EPB41: variants seen among roughly 807,000 people sequenced by gnomAD.
EPB41 encodes the protein erythrocyte membrane protein band 4.1.
A neutral mutation model predicts 108.0 loss-of-function variants in EPB41; 65 were observed. The observed-to-expected ratio is 0.60, with a 90% CI of 0.49 to 0.74. The LOEUF (loss-of-function observed/expected upper bound fraction) is 0.74, where lower values mean the gene tolerates loss of function less well. EPB41 is among the 30% of genes least tolerant of loss of function. The pLI is 0.00. For missense variants in EPB41, 875 were observed against 1,037.0 expected, an observed-to-expected ratio of 0.84 and a Z score of 2.15; for synonymous variants, 336 against 358.9, an observed-to-expected ratio of 0.94 and a Z score of 0.72.
In EPB41 at chr1:29,047,173, A is replaced by G. The variant is rs1369894822; in HGVS notation, c.1637-5931A>G. 4.0e-5 allele frequency among the ~76,000 whole-genome samples: 6 copies of G among 151,330 alleles called. No homozygotes were observed. The East Asian group carries it at 9.7e-4, about 24-fold the overall frequency. ...CTTTACTTACAGATTCAGTGTCTTT[A>G]TTAGATAAGGGACTATTAAAATGTT... On this transcript the variant is annotated intron_variant, in intron 11 of 20. Coordinates refer to ENST00000343067, the MANE Select transcript of EPB41 (RefSeq NM_001376013.1).
chr1:29,092,783 A>G (rs1413451570), intron 16 of EPB41, among the ~76,000 whole-genome samples: 1 of 152,042 alleles, frequency 6.6e-6, no homozygotes, highest in African/African-American at 2.4e-5. Context: ...GGTCCCACTT[A>G]TAAGTGAGAA....
intron 16 of EPB41, among the ~76,000 whole-genome samples, chr1:29,081,849 A>AC (rs1300017453): frequency 3.9e-5 from 6 of 151,906 alleles, no homozygotes; most frequent in African/African-American, 1.4e-4. Context: ...AAAAAAAAAA[A>AC]AAACCTAACA....
intron 11 of EPB41, among the ~76,000 whole-genome samples, chr1:29,049,954 C>T (rs2150678112): frequency 6.6e-6 from 1 of 152,204 alleles, no homozygotes; most frequent in African/African-American, 2.4e-5. Flanking sequence ...TACTAAAAAG[C>T]ATTGAATTAT....
intron 17 of EPB41, 63 bp downstream of exon 17, chr1:29,097,998 CAG>C (rs1483457325): frequency 6.2e-7 from 1 of 1,607,932 alleles, no homozygotes; most frequent in Admixed American, 1.7e-5. Context: ...CCTTTCTTCA[CAG>C]AGTTTCTAGT....
chr1:28,919,615 G>A (rs1278857752), intron 1 of EPB41, among the ~76,000 whole-genome samples: 1 of 151,790 alleles, frequency 6.6e-6, no homozygotes, highest in Non-Finnish European at 1.5e-5. Context: ...AGGCATGCAC[G>A]GCTAATTTTT....
At chr1:29,042,333 G>A (rs1358245249) in intron 11 of EPB41, among the ~76,000 whole-genome samples, 2 of 152,100 alleles carry the variant, frequency 1.3e-5, no homozygotes, top group Admixed American at 6.5e-5. Context: ...CATCATAGTG[G>A]AAGAAACAAG....
intron 1 of EPB41, among the ~76,000 whole-genome samples, chr1:28,963,687 C>T (rs1369567356): frequency 6.6e-6 from 1 of 152,100 alleles, no homozygotes; most frequent in African/African-American, 2.4e-5. Flanking sequence ...CAAAAAGAAC[C>T]ACTTGATCAG....
intron 1 of EPB41, among the ~76,000 whole-genome samples, chr1:28,934,889 T>C (rs1344499872): frequency 6.6e-6 from 1 of 151,712 alleles, no homozygotes; most frequent in East Asian, 1.9e-4. Context: ...CCCAGCACTT[T>C]GGAAGGCTGA....
Position 29,068,886 on chromosome 1 carries a change from T to G in EPB41, c.2184+3728T>G, listed in dbSNP as rs575368865. ...AACTGAACAACAGCTGCTGAATACC[T>G]TTTTTTCTTTTGGCTATACTAGTAA... is the stretch of plus-strand genomic sequence containing the variant. On this transcript the variant is annotated intron_variant, in intron 16 of 20. Coordinates refer to ENST00000343067, the MANE Select transcript of EPB41 (RefSeq NM_001376013.1). 1.9e-3 allele frequency: 1,832 copies of G among 958,894 alleles called. 3 individuals are homozygous for G. Among genetic ancestry groups the G allele is most frequent in the Non-Finnish European group, 2.4e-3 (1,790 of 738,988 alleles). The allele number at this position is 958,894 out of a possible 1,614,324, so 59.4% of individuals were successfully genotyped here.
chr1:29,096,483 T>G, intron 16 of EPB41: 1 of 985,778 alleles, frequency 1.0e-6, no homozygotes, highest in Non-Finnish European at 1.2e-6. Context: ...CAACCTGGTG[T>G]AAAAAAGGCA....
chr1:29,010,724 A>G (rs915204151), intron 4 of EPB41, among the ~76,000 whole-genome samples: 1 of 152,188 alleles, frequency 6.6e-6, no homozygotes, highest in Non-Finnish European at 1.5e-5. Flanking sequence ...GAAGGACAAG[A>G]TTGGCGTGGG....
chr1:29,068,865 G>C, intron 16 of EPB41: 2 of 1,082,542 alleles, frequency 1.8e-6, no homozygotes, highest in Non-Finnish European at 2.3e-6. Flanking sequence ...CCCCAGAACT[G>C]AACAACAGCT....
chr1:29,025,827 G>A (rs1375823596), intron 7 of EPB41, among the ~76,000 whole-genome samples: 1 of 151,802 alleles, frequency 6.6e-6, no homozygotes, highest in Admixed American at 6.6e-5. Flanking sequence ...CCTAAGCAGA[G>A]TGAGGAGTGG....
At chr1:28,982,303 T>A in intron 1 of EPB41, 1 of 590,672 alleles carries the variant, frequency 1.7e-6, no homozygotes, top group Non-Finnish European at 3.2e-6. Context: ...CTGGAAGAAC[T>A]ACTTGTTCTT....
intron 11 of EPB41, among the ~76,000 whole-genome samples, chr1:29,048,656 G>C (rs913131383): frequency 6.6e-6 from 1 of 152,156 alleles, no homozygotes; most frequent in Non-Finnish European, 1.5e-5. Flanking sequence ...AGAATTAGAA[G>C]GGAATCCGGG....
At chr1:29,080,135 T>TA (rs1655906740) in intron 16 of EPB41, among the ~76,000 whole-genome samples, 2 of 150,804 alleles carry the variant, frequency 1.3e-5, no homozygotes, top group Admixed American at 6.6e-5. Flanking sequence ...TTTATTTATT[T>TA]TGAGACGGAC....
intron 7 of EPB41, among the ~76,000 whole-genome samples, chr1:29,019,416 T>TA (rs1260349620): frequency 1.3e-5 from 2 of 152,342 alleles, no homozygotes; most frequent in East Asian, 3.9e-4. Context: ...TTTCATGTGG[T>TA]AAAAAATTCA....
chr1:29,090,568 T>C (rs900542032), intron 16 of EPB41, among the ~76,000 whole-genome samples: 1 of 152,064 alleles, frequency 6.6e-6, no homozygotes, highest in African/African-American at 2.4e-5. Flanking sequence ...CTGACCAACA[T>C]GGAGAAACCC....
intron 1 of EPB41, among the ~76,000 whole-genome samples, chr1:28,938,888 T>C (rs1189202858): frequency 6.6e-6 from 1 of 152,234 alleles, no homozygotes; most frequent in African/African-American, 2.4e-5. Context: ...TGTGGATTCC[T>C]TAGAATTTTC....
Sources: gnomAD v4.1 joint callset for allele counts (sites outside exome capture counted in the v4.1 genomes callset) on GRCh38, gnomAD v4.1.1 for gene constraint, MANE v1.5 for transcripts, NCBI Gene and HGNC (gene_info 2026-07-23, HGNC 2026-07-21) for gene names.